ADGRG7: variants seen among roughly 807,000 people sequenced by gnomAD.
The protein encoded by ADGRG7 is G-protein coupled receptor 128.
ADGRG7 carries 82 observed loss-of-function variants against 88.6 expected under a neutral mutation model. That is an observed-to-expected ratio of 0.93 (90% CI 0.77 to 1.11). The LOEUF is 1.11. ADGRG7 is among the 50% of genes most tolerant of loss of function. The probability of loss-of-function intolerance (pLI) is 0.00; values close to 1 mark genes in which losing one functional copy is unlikely to be tolerated. For synonymous variants in ADGRG7, 381 were observed against 345.2 expected (o/e 1.10, Z -1.15); for missense variants, 945 against 953.4 (o/e 0.99, Z 0.12).
intron 13 of ADGRG7, among the ~76,000 whole-genome samples, chr3:100,657,139 T>G (rs968276549): frequency 6.6e-6 from 1 of 152,056 alleles, no homozygotes; most frequent in Admixed American, 6.6e-5. Context: ...ACGGTGTTAG[T>G]TGTTGGGGAA....
At chr3:100,637,993 C>T (rs1445612273) in intron 6 of ADGRG7, among the ~76,000 whole-genome samples, 1 of 152,206 alleles carries the variant, frequency 6.6e-6, no homozygotes, top group East Asian at 1.9e-4. Context: ...GGAGCGAACT[C>T]TGTGCAGGCC....
At position 100,649,810 on chromosome 3, in the gene ADGRG7, A is replaced by G; in HGVS notation, c.1379+3A>G. On this transcript the variant is annotated splice_donor_region_variant and intron_variant, in intron 11 of 15. Transcript: ENST00000273352. ...GTTATATTTCAGATTGTCACCAGGT[A>G]AGAGCAGAAGCAGGCTCTTTTCAGA... The G allele has an allele frequency of 6.6e-7, 1 of 1,515,852 alleles. No homozygotes were observed. Among genetic ancestry groups the G allele is most frequent in the Non-Finnish European group, 9.1e-7 (1 of 1,093,584 alleles). 93.9% of individuals were successfully genotyped at this position (1,515,852 alleles called of 1,614,324 possible).
At chr3:100,613,999 G>A (rs910072805) in intron 1 of ADGRG7, among the ~76,000 whole-genome samples, 16 of 152,238 alleles carry the variant, frequency 1.1e-4, no homozygotes, top group East Asian at 3.9e-4. Context: ...TGCTTATTAT[G>A]TGCATAGTAG....
At chr3:100,688,410 T>G (rs1243980049) in intron 15 of ADGRG7, among the ~76,000 whole-genome samples, 1 of 152,216 alleles carries the variant, frequency 6.6e-6, no homozygotes, top group Non-Finnish European at 1.5e-5. Flanking sequence ...ATTTCTTGCC[T>G]TCTGCTGGCT....
Position 100,633,617 on chromosome 3 carries a change from C to G in ADGRG7, c.447+240C>G, listed in dbSNP as rs527673997. Among the ~76,000 whole-genome samples, 34 of 152,192 alleles carry G rather than the reference C, an allele frequency of 2.2e-4. 1 individual carries two copies. The South Asian group carries it at 6.9e-3, about 31-fold the overall frequency. On this transcript the variant is annotated intron_variant, in intron 4 of 15. Coordinates refer to ENST00000273352, the MANE Select transcript of ADGRG7 (RefSeq NM_032787.3). ...TCGGCTCACTGTAACCTCTGCCTCC[C>G]AGGTTGAAGCAATCCTCCTGCATCA...
intron 1 of ADGRG7, among the ~76,000 whole-genome samples, chr3:100,624,222 A>G (rs979441965): frequency 6.6e-6 from 1 of 152,146 alleles, no homozygotes; most frequent in African/African-American, 2.4e-5. Context: ...CTCTTTAATA[A>G]TCACCATTCT....
intron 6 of ADGRG7, among the ~76,000 whole-genome samples, chr3:100,639,202 C>T (rs775533905): frequency 1.3e-5 from 2 of 152,082 alleles, no homozygotes; most frequent in Non-Finnish European, 2.9e-5. Context: ...TATGTGTAAA[C>T]TTTTATTGAA....
chr3:100,638,683 CT>C (rs555738354), intron 6 of ADGRG7, among the ~76,000 whole-genome samples: 45 of 152,154 alleles, frequency 3.0e-4, no homozygotes, highest in Non-Finnish European at 4.4e-4. Context: ...TAGAGTTTCT[CT>C]GCCTCCTCCC....
At chr3:100,663,363 AT>A (rs2094947967) in intron 14 of ADGRG7, among the ~76,000 whole-genome samples, 1 of 152,100 alleles carries the variant, frequency 6.6e-6, no homozygotes, top group Admixed American at 6.5e-5. Flanking sequence ...CTTGGATTAC[AT>A]TTGCATTTCT....
chr3:100,658,525 C>T (rs1462234268), intron 13 of ADGRG7, among the ~76,000 whole-genome samples: 6 of 152,198 alleles, frequency 3.9e-5, no homozygotes, highest in Non-Finnish European at 8.8e-5. Flanking sequence ...ACGTTATCCA[C>T]TTACTGTGGT....
At chr3:100,641,380 G>A (rs941455318) in intron 6 of ADGRG7, among the ~76,000 whole-genome samples, 1 of 152,220 alleles carries the variant, frequency 6.6e-6, no homozygotes, top group African/African-American at 2.4e-5. Context: ...TTTGGGAAAT[G>A]TGTATTTAAC....
chr3:100,643,732 C>G, intron 8 of ADGRG7, 99 bp downstream of exon 8: 2 of 741,398 alleles, frequency 2.7e-6, no homozygotes, highest in Non-Finnish European at 2.2e-6. Context: ...TACTTAGTTT[C>G]ATACTGAGTA....
intron 13 of ADGRG7, 26 bp downstream of exon 13, chr3:100,656,021 C>A: frequency 7.1e-7 from 1 of 1,409,922 alleles, no homozygotes. Context: ...TTTAAATGTC[C>A]AATTGTTTGA....
At chr3:100,635,016 C>CAA (rs1707513234) in intron 4 of ADGRG7, among the ~76,000 whole-genome samples, 1 of 151,576 alleles carries the variant, frequency 6.6e-6, no homozygotes, top group South Asian at 2.1e-4. Context: ...CACACACACA[C>CAA]ACACACACAC....
At chr3:100,618,711 G>T (rs1410721092) in intron 1 of ADGRG7, among the ~76,000 whole-genome samples, 1 of 151,978 alleles carries the variant, frequency 6.6e-6, no homozygotes, top group Non-Finnish European at 1.5e-5. Flanking sequence ...CTCTTTTTTT[G>T]GTTCCGTATG....
rs1196554012 is a variant in ADGRG7 at position 100,646,087 on chromosome 3, T to A, written c.1089T>A (p.Val363=). Residue 363 remains valine (V), a synonymous_variant, in exon 9 of 16, where the codon GTT becomes GTA. Coordinates refer to ENST00000273352, the MANE Select transcript of ADGRG7 (RefSeq NM_032787.3). The part of the protein sequence containing the change: ...DENEQDQSAS[V]DMVFSPKYNQ... ...ATGAGCAAGATCAGAGTGCTTCTGT[T>A]GACATGGTCTTTAGTCCAAAGGTGA... 1 of 1,613,772 alleles carries A rather than the reference T, an allele frequency of 6.2e-7. No individual in the cohort carries two copies.
At chr3:100,655,279 T>A in intron 12 of ADGRG7, 98 bp downstream of exon 12, 1 of 798,508 alleles carries the variant, frequency 1.3e-6, no homozygotes, top group Non-Finnish European at 2.0e-6. Context: ...GGCCTTGACG[T>A]AATTAAGAGG....
intron 15 of ADGRG7, among the ~76,000 whole-genome samples, chr3:100,685,884 A>G (rs1390690657): frequency 1.3e-5 from 2 of 152,196 alleles, no homozygotes; most frequent in East Asian, 3.8e-4. Context: ...CTTTGGGTAT[A>G]CACCCAGTAA....
chr3:100,646,103 C>T lies in ADGRG7; in HGVS notation c.1105C>T (p.Pro369Ser), dbSNP rs750813743. Residue 369 changes from proline to serine, a missense_variant, in exon 9 of 16, where the codon CCA becomes TCA. Coordinates refer to ENST00000273352, the MANE Select transcript of ADGRG7 (RefSeq NM_032787.3). ...QSASVDMVFS[P>S]KYNQKEFQLY... The stretch of plus-strand genomic sequence containing the variant: ...TGCTTCTGTTGACATGGTCTTTAGT[C>T]CAAAGGTGAGTTTTTCATTGCAGAT... The T allele has an allele frequency of 2.5e-5, 40 of 1,610,376 alleles. 1 individual carries two copies. The South Asian group carries it at 4.1e-4, about 16-fold the overall frequency.
Sources: gnomAD v4.1 joint callset for allele counts (sites outside exome capture counted in the v4.1 genomes callset) on GRCh38, gnomAD v4.1.1 for gene constraint, MANE v1.5 for transcripts, NCBI Gene and HGNC (gene_info 2026-07-23, HGNC 2026-07-21) for gene names.